Variants in FMN2 observed in about 807,000 individuals in gnomAD.
FMN2 encodes the protein formin-2.
FMN2 carries 51 observed loss-of-function variants against 142.3 expected under a neutral mutation model. That is an observed-to-expected ratio of 0.36 (90% confidence interval 0.29 to 0.45). The LOEUF (loss-of-function observed/expected upper bound fraction) is 0.45, where lower values mean the gene tolerates loss of function less well. Ranked by LOEUF, FMN2 falls within the 20% of genes least tolerant of loss-of-function variation. The pLI is 1.00. For synonymous variants in FMN2, 882 were observed against 869.8 expected (o/e 1.01, Z -0.25); for missense variants, 1,936 against 2,122.8 (o/e 0.91, Z 1.73).
intron 6 of FMN2, among the ~76,000 whole-genome samples, chr1:240,242,829 T>C (rs979947802): frequency 6.6e-6 from 1 of 152,188 alleles, no homozygotes; most frequent in Non-Finnish European, 1.5e-5. Flanking sequence ...TTCTAGATTC[T>C]TAATCAGTGA....
chr1:240,110,549 G>A (rs1328389604), intron 1 of FMN2, among the ~76,000 whole-genome samples: 8 of 152,164 alleles, frequency 5.3e-5, no homozygotes, highest in Non-Finnish European at 8.8e-5. Flanking sequence ...CCCCCTAACT[G>A]CGGTGTCCAT....
intron 1 of FMN2, among the ~76,000 whole-genome samples, 157 bp downstream of exon 1, chr1:240,093,881 C>G (rs1263853419): frequency 2.0e-5 from 3 of 152,362 alleles, no homozygotes; most frequent in East Asian, 3.9e-4. Flanking sequence ...GAGCTCACCC[C>G]CCACGGTGAA....
intron 2 of FMN2, chr1:240,143,820 G>C: frequency 6.5e-7 from 1 of 1,536,420 alleles, no homozygotes; most frequent in Non-Finnish European, 9.0e-7. Context: ...CCACAGGCTA[G>C]AGCTGTCACA....
chr1:240,306,112 G>A (rs1670388753), intron 8 of FMN2, among the ~76,000 whole-genome samples: 1 of 151,914 alleles, frequency 6.6e-6, no homozygotes, highest in Admixed American at 6.6e-5. Flanking sequence ...ACCATGCCCA[G>A]CTAATTTTTG....
intron 4 of FMN2, among the ~76,000 whole-genome samples, chr1:240,198,950 C>CA (rs1424869988): frequency 1.3e-5 from 2 of 151,990 alleles, no homozygotes; most frequent in Non-Finnish European, 2.9e-5. Flanking sequence ...ACTAAAAATA[C>CA]AAAAATTAGC....
intron 15 of FMN2, among the ~76,000 whole-genome samples, chr1:240,436,404 G>A (rs1257931870): frequency 6.6e-6 from 1 of 152,212 alleles, no homozygotes; most frequent in Non-Finnish European, 1.5e-5. Flanking sequence ...ACACAGAGCA[G>A]ATTAGTCATA....
intron 2 of FMN2, among the ~76,000 whole-genome samples, chr1:240,132,279 C>T (rs1438639640): frequency 2.6e-5 from 4 of 152,080 alleles, no homozygotes; most frequent in Non-Finnish European, 4.4e-5. Context: ...TGGCATAGAC[C>T]ATAGGTTGTA....
intron 8 of FMN2, among the ~76,000 whole-genome samples, chr1:240,325,899 A>G (rs967935552): frequency 6.6e-6 from 1 of 152,216 alleles, no homozygotes. Flanking sequence ...GGCGTGAGCT[A>G]TGGTGCTGCT....
At chr1:240,353,428 A>T (rs953240721) in intron 13 of FMN2, among the ~76,000 whole-genome samples, 1 of 152,220 alleles carries the variant, frequency 6.6e-6, no homozygotes, top group African/African-American at 2.4e-5. Context: ...TGTCTGCTAG[A>T]TTCCAACATC....
At chr1:240,359,049 C>T (rs142015377) in intron 14 of FMN2, among the ~76,000 whole-genome samples, 1,807 of 152,174 alleles carry the variant, frequency 0.012, 46 homozygotes, top group African/African-American at 0.042. Context: ...CACTTGCACC[C>T]GGGAGGCAGA....
At chr1:240,271,157 G>T (rs1572139749) in intron 7 of FMN2, among the ~76,000 whole-genome samples, 1 of 90,424 alleles carries the variant, frequency 1.1e-5, no homozygotes, top group African/African-American at 4.4e-5. Flanking sequence ...CTACACATTT[G>T]CACTTCTTTT....
At chr1:240,173,017 C>T (rs1276114446) in intron 2 of FMN2, among the ~76,000 whole-genome samples, 2 of 151,928 alleles carry the variant, frequency 1.3e-5, no homozygotes, top group Non-Finnish European at 2.9e-5. Context: ...CTCACTGCAA[C>T]CTCTGCCTCC....
At position 240,123,315 on chromosome 1, in the gene FMN2, G is replaced by A. The variant is rs761952562; in HGVS notation, c.1752G>A (p.Gln584=). 9 of 1,614,068 alleles carry A rather than the reference G, an allele frequency of 5.6e-6. No homozygotes were observed. In the South Asian group the frequency reaches 9.9e-5, roughly 18 times the overall value. The change falls in exon 2 of 18, where the codon CAG becomes CAA. Residue 584 remains glutamine, a synonymous_variant. Coordinates refer to ENST00000319653, the MANE Select transcript of FMN2 (RefSeq NM_020066.5). ...ATTGCTTCAGGGAACCGTGTAATCA[G>A]AATGCCCAGACGAATGCAGCTTCGT... ...FSDCFREPCN[Q]NAQTNAASFD...
intron 1 of FMN2, among the ~76,000 whole-genome samples, chr1:240,111,796 G>T (rs1248593360): frequency 6.6e-6 from 1 of 152,084 alleles, no homozygotes; most frequent in Non-Finnish European, 1.5e-5. Flanking sequence ...AGTCACTCTG[G>T]TTCAAACGCC....
intron 2 of FMN2, chr1:240,143,701 C>G (rs1312439679): frequency 2.8e-5 from 44 of 1,595,214 alleles, no homozygotes; most frequent in Non-Finnish European, 2.9e-5. Flanking sequence ...GAGACCCAGT[C>G]CAAGAGGAAG....
chr1:240,247,250 C>T (rs1668111471), intron 6 of FMN2, among the ~76,000 whole-genome samples: 1 of 152,232 alleles, frequency 6.6e-6, no homozygotes, highest in African/African-American at 2.4e-5. Flanking sequence ...AGCTTGTAAT[C>T]TCATCACTGT....
chr1:240,092,736 G>GCAGCAGCAGCTC lies in FMN2; in HGVS notation c.632_643dup (p.Gln211_Gln214dup). 1 of 1,613,086 alleles carries GCAGCAGCAGCTC rather than the reference G, an allele frequency of 6.2e-7. No individual in the cohort carries two copies. The highest frequency in any genetic ancestry group is 8.5e-7 in the Non-Finnish European group (1 of 1,179,788). On this transcript the variant is annotated inframe_insertion, in exon 1 of 18. Transcript: ENST00000319653. ...AGGCGATCCGCCTGCAGCAGCAGCA[G>GCAGCAGCAGCTC]CAGCAGCAGCTCCAGCTCCAGCTCC...
intron 2 of FMN2, chr1:240,144,079 C>T (rs561160653): frequency 8.4e-5 from 92 of 1,096,772 alleles, no homozygotes; most frequent in African/African-American, 7.7e-5. Flanking sequence ...CAAAGGAGTA[C>T]AGGTTACTTC....
At chr1:240,175,423 G>A (rs1274469997) in intron 2 of FMN2, among the ~76,000 whole-genome samples, 1 of 152,152 alleles carries the variant, frequency 6.6e-6, no homozygotes, top group Non-Finnish European at 1.5e-5. Flanking sequence ...CATAGCAACA[G>A]TATCATTTTA....
Sources: gnomAD v4.1 joint callset for allele counts (sites outside exome capture counted in the v4.1 genomes callset) on GRCh38, gnomAD v4.1.1 for gene constraint, MANE v1.5 for transcripts, NCBI Gene and HGNC (gene_info 2026-07-23, HGNC 2026-07-21) for gene names.